The following LINGO2 variants were observed in gnomAD, a reference collection of about 807,000 sequenced individuals.
LINGO2 encodes the protein leucine-rich repeat and immunoglobulin-like domain-containing nogo receptor-interacting protein 2.
A neutral mutation model predicts 30.6 loss-of-function variants in LINGO2; 14 were observed. The observed-to-expected ratio is 0.46, with a 90% CI of 0.30 to 0.72. The LOEUF is 0.72. Among genes scored for constraint, LINGO2 ranks in the 30% least tolerant of loss-of-function variants. The pLI, the probability that LINGO2 is intolerant of heterozygous loss-of-function variation, is 0.07. For missense variants in LINGO2, 729 were observed against 751.7 expected, an observed-to-expected ratio of 0.97 and a Z score of 0.35; for synonymous variants, 317 against 288.5, an observed-to-expected ratio of 1.10 and a Z score of -1.00.
the LINGO2 span, among the ~76,000 whole-genome samples, chr9:28,820,751 C>G: frequency 6.6e-6 from 1 of 152,134 alleles, no homozygotes; most frequent in Non-Finnish European, 1.5e-5. Context: ...AGAAGTCTAC[C>G]CAGTTTTTAC....
At chr9:28,314,627 C>T (rs1824766294) in intron 3 of LINGO2, among the ~76,000 whole-genome samples, 1 of 152,174 alleles carries the variant, frequency 6.6e-6, no homozygotes, top group South Asian at 2.1e-4. Flanking sequence ...CAGCTCTTTG[C>T]TCCATCATGT....
chr9:28,174,126 T>A (rs1214535755), intron 4 of LINGO2, among the ~76,000 whole-genome samples: 1 of 152,222 alleles, frequency 6.6e-6, no homozygotes, highest in African/African-American at 2.4e-5. Context: ...ACCATATTTC[T>A]GTTAAGCTAT....
At chr9:28,288,423 T>C (rs1823597893) in intron 4 of LINGO2, among the ~76,000 whole-genome samples, 3 of 152,180 alleles carry the variant, frequency 2.0e-5, no homozygotes, top group Admixed American at 6.5e-5. Context: ...TTTTAATATT[T>C]CTAACAGTTT....
chr9:29,075,194 A>G, the LINGO2 span, among the ~76,000 whole-genome samples: 1 of 152,156 alleles, frequency 6.6e-6, no homozygotes, highest in South Asian at 2.1e-4. Context: ...ATTCAAATTT[A>G]ACAACATTAA....
At chr9:28,806,888 G>T in the LINGO2 span, among the ~76,000 whole-genome samples, 2 of 151,600 alleles carry the variant, frequency 1.3e-5, no homozygotes, top group South Asian at 2.1e-4. Context: ...TTTTATAGAG[G>T]GCCATTCTAA....
At chr9:28,543,469 T>C (rs1177153904) in intron 1 of LINGO2, among the ~76,000 whole-genome samples, 1 of 152,132 alleles carries the variant, frequency 6.6e-6, no homozygotes, top group Non-Finnish European at 1.5e-5. Context: ...GACACATTTA[T>C]GTAGAGCACT....
chr9:28,015,358 T>C (rs1023495905), intron 4 of LINGO2, among the ~76,000 whole-genome samples: 3 of 152,116 alleles, frequency 2.0e-5, no homozygotes, highest in African/African-American at 7.2e-5. Flanking sequence ...CCATGGAGAA[T>C]TGTTAAAGAT....
chr9:28,425,376 A>G (rs960085505), intron 2 of LINGO2, among the ~76,000 whole-genome samples: 1 of 150,810 alleles, frequency 6.6e-6, no homozygotes, highest in Non-Finnish European at 1.5e-5. Flanking sequence ...TATTGGCTCA[A>G]TTATCCACAC....
the LINGO2 span, among the ~76,000 whole-genome samples, chr9:28,684,313 G>C: frequency 4.5e-4 from 63 of 140,442 alleles, no homozygotes; most frequent in African/African-American, 1.6e-3. Flanking sequence ...TCAGCCTCCA[G>C]AGTAGCTGGG....
intron 1 of LINGO2, among the ~76,000 whole-genome samples, chr9:28,535,005 A>C (rs955595586): frequency 2.0e-5 from 3 of 152,146 alleles, no homozygotes; most frequent in Non-Finnish European, 4.4e-5. Flanking sequence ...AATTGGCTTT[A>C]TGTATTTAAA....
chr9:28,607,265 T>C (rs1263872464), intron 1 of LINGO2, among the ~76,000 whole-genome samples: 2 of 152,072 alleles, frequency 1.3e-5, no homozygotes, highest in East Asian at 3.8e-4. Flanking sequence ...TAAAAGTCAC[T>C]GATCAAAAGA....
Position 28,171,526 on chromosome 9 carries a change from T to TA in LINGO2, c.-87+123681dup, listed in dbSNP as rs144516028. Among the ~76,000 whole-genome samples the TA allele has an allele frequency of 2.6e-4, 40 of 152,092 alleles. No homozygotes were observed. In the East Asian group the frequency reaches 7.6e-3, roughly 29 times the overall value. ...GGGCTTGGGAAGCTCTCAAGAACAC[T>TA]AAAAAAATGAAGCACCTTAAGGGCA... On this transcript the variant is annotated intron_variant, in intron 4 of 5. Transcript: ENST00000379992.
the LINGO2 span, among the ~76,000 whole-genome samples, chr9:28,679,855 G>C: frequency 6.6e-6 from 1 of 151,552 alleles, no homozygotes; most frequent in Admixed American, 6.6e-5. Context: ...TCAAGTACAT[G>C]TTTCAAAATA....
the LINGO2 span, among the ~76,000 whole-genome samples, chr9:29,199,214 A>G: frequency 1.3e-5 from 2 of 152,136 alleles, no homozygotes; most frequent in East Asian, 1.9e-4. Context: ...AGTTCAGCCT[A>G]TCACTGACAT....
chr9:29,133,834 G>A, the LINGO2 span, among the ~76,000 whole-genome samples: 2 of 152,004 alleles, frequency 1.3e-5, no homozygotes, highest in Admixed American at 1.3e-4. Context: ...TAGAGGTCAC[G>A]TGTATCAAGA....
chr9:28,703,794 C>T, the LINGO2 span, among the ~76,000 whole-genome samples: 1 of 151,842 alleles, frequency 6.6e-6, no homozygotes, highest in Non-Finnish European at 1.5e-5. Context: ...TTCAAGTCCA[C>T]TTTCAAAGAA....
intron 4 of LINGO2, among the ~76,000 whole-genome samples, chr9:28,125,578 C>T (rs1353407025): frequency 6.6e-6 from 1 of 152,098 alleles, no homozygotes; most frequent in Non-Finnish European, 1.5e-5. Flanking sequence ...TGAACATATG[C>T]TGTTGACTGC....
intron 4 of LINGO2, among the ~76,000 whole-genome samples, chr9:28,087,978 T>C (rs1399785626): frequency 6.6e-6 from 1 of 152,048 alleles, no homozygotes; most frequent in African/African-American, 2.4e-5. Flanking sequence ...GCATCTGTTC[T>C]GATAACCATA....
At chr9:28,426,728 T>G (rs1823429353) in intron 2 of LINGO2, among the ~76,000 whole-genome samples, 1 of 152,066 alleles carries the variant, frequency 6.6e-6, no homozygotes, top group South Asian at 2.1e-4. Context: ...GCTCAATAGA[T>G]ATAGTCTAAG....
Sources: allele counts gnomAD v4.1 joint callset (sites outside exome capture counted in the v4.1 genomes callset), GRCh38; gene constraint gnomAD v4.1.1; transcripts MANE v1.5; gene names NCBI Gene and HGNC (gene_info 2026-07-23, HGNC 2026-07-21).